The following DNAH3 variants were observed in gnomAD, a reference collection of about 807,000 sequenced individuals.
DNAH3 encodes the protein dynein axonemal heavy chain 3.
In DNAH3, 332 loss-of-function variants were observed where a neutral mutation model predicts 432.5. That is an observed-to-expected ratio of 0.77 (90% CI 0.70 to 0.84). DNAH3 has a LOEUF of 0.84. Ranked by LOEUF, DNAH3 falls within the 40% of genes least tolerant of loss-of-function variation. DNAH3 has a pLI of 0.00. For missense variants in DNAH3, 4,861 were observed against 5,114.0 expected (o/e 0.95, Z 1.51); for synonymous variants, 1,956 against 1,900.2 (o/e 1.03, Z -0.76).
intron 54 of DNAH3, among the ~76,000 whole-genome samples, chr16:20,958,377 AT>A (rs550065583): frequency 2.6e-5 from 4 of 151,852 alleles, no homozygotes; most frequent in Non-Finnish European, 4.4e-5. Context: ...CCTGGACAGA[AT>A]TTTTTTTAGA....
At chr16:21,087,169 ACAC>A in intron 18 of DNAH3, 109 bp from the exon 19 acceptor site, 2 of 901,482 alleles carry the variant, frequency 2.2e-6, no homozygotes, top group South Asian at 3.0e-5. Context: ...GGAGATTGGA[ACAC>A]ATACAGGCTT....
chr16:21,096,042 T>G (rs2091668259), intron 18 of DNAH3, among the ~76,000 whole-genome samples: 3 of 152,006 alleles, frequency 2.0e-5, no homozygotes, highest in African/African-American at 7.3e-5. Flanking sequence ...AGTGCTGGGA[T>G]TACAGGTATG....
rs771678843 is a variant in DNAH3 at position 21,136,517 on chromosome 16, C to T, written c.697-4G>A. ...TGGTCAGATAGTAATAGTATCTCTT[C>T]CATAAACAAACCACCAGCGAGAAAA... On this transcript the variant is annotated splice_polypyrimidine_tract_variant and splice_region_variant and intron_variant, in intron 5 of 61. Transcript: ENST00000261383. 5.6e-6 allele frequency: 9 copies of T among 1,613,728 alleles called. No individual in the cohort carries two copies. In the East Asian group the frequency reaches 1.6e-4, roughly 28 times the overall value.
intron 41 of DNAH3, among the ~76,000 whole-genome samples, chr16:21,014,158 C>A (rs2087749822): frequency 6.6e-6 from 1 of 152,180 alleles, no homozygotes; most frequent in Admixed American, 6.5e-5. Flanking sequence ...ACCAGTATCT[C>A]TCATCAACAT....
intron 52 of DNAH3, among the ~76,000 whole-genome samples, chr16:20,968,905 TTGTGTCTCTGGCACTCCA>T (rs1425732992): frequency 3.9e-5 from 6 of 152,002 alleles, no homozygotes; most frequent in African/African-American, 1.4e-4. Flanking sequence ...GTGTCTCTCT[TTGTGTCTCTGGCACTCCA>T]TGTGTCTCTG....
chr16:20,971,467 CA>C (rs1332137361), intron 51 of DNAH3, among the ~76,000 whole-genome samples: 1 of 152,096 alleles, frequency 6.6e-6, no homozygotes, highest in Non-Finnish European at 1.5e-5. Flanking sequence ...TTCCGGTCCA[CA>C]AAAAAGCCTC....
chr16:20,992,780 T>A (rs964852848), intron 44 of DNAH3, among the ~76,000 whole-genome samples: 8 of 152,244 alleles, frequency 5.3e-5, no homozygotes, highest in African/African-American at 1.9e-4. Context: ...TGGTCATTAT[T>A]TCTTTAGATC....
In DNAH3 at chr16:21,114,718, G is replaced by A. The variant is rs111524010; in HGVS notation, c.1814+2485C>T. Among the ~76,000 whole-genome samples, 411 of 152,158 alleles carry A rather than the reference G, an allele frequency of 2.7e-3. 1 individual carries two copies. The highest frequency in any genetic ancestry group is 8.8e-3 in the African/African-American group (364 of 41,528). ...ACCATCTCACACCAGTTAGAATGGC[G>A]ATCATTAAAAAGTCAGGAAACAACA... On this transcript the variant is annotated intron_variant, in intron 12 of 61. Transcript: ENST00000261383.
chr16:21,082,298 C>T lies in DNAH3; in HGVS notation c.2878-571G>A, dbSNP rs994599615. On this transcript the variant is annotated intron_variant, in intron 19 of 61. Coordinates refer to ENST00000261383, the Ensembl canonical transcript of DNAH3. Reference sequence around the variant, plus strand: ...CTTGACCTCCCAGGCTCAAGTGGTCCTCCTCCCTCGACCTCCTGAGCAGCT... The same window carrying T: ...CTTGACCTCCCAGGCTCAAGTGGTCTTCCTCCCTCGACCTCCTGAGCAGCT... Among the ~76,000 whole-genome samples the T allele has an allele frequency of 1.3e-5, 2 of 152,244 alleles. 1 individual carries two copies. Among genetic ancestry groups the T allele is most frequent in the Middle Eastern group, 6.8e-3 (2 of 294 alleles).
chr16:20,947,817 C>G (rs2152573089), intron 57 of DNAH3, among the ~76,000 whole-genome samples: 1 of 152,200 alleles, frequency 6.6e-6, no homozygotes, highest in African/African-American at 2.4e-5. Context: ...TTCACTGTCA[C>G]TCAGGCTGGA....
At chr16:20,936,661 C>G in exon 60 of DNAH3, 1 of 1,598,060 alleles carries the variant, frequency 6.3e-7, no homozygotes, top group Non-Finnish European at 8.5e-7. Flanking sequence ...GGAAGAAGGT[C>G]AGGCGGGCCA....
At chr16:20,945,982 T>G (rs2084028166) in intron 57 of DNAH3, among the ~76,000 whole-genome samples, 1 of 152,120 alleles carries the variant, frequency 6.6e-6, no homozygotes, top group South Asian at 2.1e-4. Flanking sequence ...ACAAGTGTAG[T>G]TATGAAGTAT....
At chr16:20,953,119 T>TTTTTGTTTGTTTTGC (rs1053125310) in intron 55 of DNAH3, among the ~76,000 whole-genome samples, 2 of 151,832 alleles carry the variant, frequency 1.3e-5, no homozygotes, top group African/African-American at 4.8e-5. Context: ...ATAGGGAAGT[T>TTTTTGTTTGTTTTGC]TTTTGTTTGT....
rs375227268 is a variant in DNAH3, at chr16:21,140,488, G to A, written c.696+48C>T. 4,283 of 1,572,652 alleles carry A rather than the reference G, an allele frequency of 2.7e-3. 10 individuals carry two copies. The highest frequency in any genetic ancestry group is 3.4e-3 in the Non-Finnish European group (3,931 of 1,151,514). ...CTGAATTTAGAATCACTGAGATGCCGAGAGTAACCCTCAGCAAACCGAGGG... is the reference window on the plus strand; with the variant it reads ...CTGAATTTAGAATCACTGAGATGCCAAGAGTAACCCTCAGCAAACCGAGGG... On this transcript the variant is annotated intron_variant, in intron 5 of 61. Transcript: ENST00000261383.
At chr16:20,968,281 C>A (rs1380255100) in intron 52 of DNAH3, among the ~76,000 whole-genome samples, 1 of 152,066 alleles carries the variant, frequency 6.6e-6, no homozygotes, top group African/African-American at 2.4e-5. Flanking sequence ...GTTGTCCAGG[C>A]TGGTCTCAAA....
rs544764741 is a variant in DNAH3, at chr16:21,028,173, T to C, written c.5440-1046A>G. ...GGCTAGTTTTTTATTTTTTGTTTTT[T>C]GTTTTTAGATTAAATCAATGTTTCC... On this transcript the variant is annotated intron_variant, in intron 37 of 61. Transcript: ENST00000261383. Among the ~76,000 whole-genome samples, 3 of 152,142 alleles carry C rather than the reference T, an allele frequency of 2.0e-5. No individual in the cohort carries two copies. The South Asian group carries it at 6.2e-4, about 32-fold the overall frequency.
exon 5 of DNAH3, chr16:21,140,682 A>G: frequency 6.2e-7 from 1 of 1,614,108 alleles, no homozygotes; most frequent in South Asian, 1.1e-5. Context: ...ATGGGTGAGA[A>G]GATTGACGTC....
exon 18 of DNAH3, chr16:21,097,393 G>A (rs1163874735): frequency 1.9e-6 from 3 of 1,613,802 alleles, no homozygotes; most frequent in Non-Finnish European, 2.5e-6. Context: ...GAACTCATAG[G>A]CTGTCGACCA....
chr16:20,995,398 TG>T (rs1246032432), intron 44 of DNAH3, among the ~76,000 whole-genome samples: 1 of 152,008 alleles, frequency 6.6e-6, no homozygotes, highest in Non-Finnish European at 1.5e-5. Context: ...CCCGGGTAGC[TG>T]GGATAACAGG....
Sources: allele counts gnomAD v4.1 joint callset (sites outside exome capture counted in the v4.1 genomes callset), GRCh38; gene constraint gnomAD v4.1.1; transcripts MANE v1.5; gene names NCBI Gene and HGNC (gene_info 2026-07-23, HGNC 2026-07-21).